HAGHL: variants seen among roughly 807,000 people sequenced by gnomAD.
HAGHL encodes the protein hydroxyacylglutathione hydrolase like.
In HAGHL, 27 loss-of-function variants were observed where a neutral mutation model predicts 29.2. The observed-to-expected ratio is 0.92, with a 90% CI of 0.68 to 1.27. The LOEUF is 1.27. Among genes scored for constraint, HAGHL ranks in the 50% most tolerant of loss-of-function variants. The pLI, the probability that HAGHL is intolerant of heterozygous loss-of-function variation, is 0.00. For synonymous variants in HAGHL, 223 were observed against 185.7 expected, an observed-to-expected ratio of 1.20 and a Z score of -1.63; for missense variants, 529 against 405.5, an observed-to-expected ratio of 1.30 and a Z score of -2.62.
Position 727,933 on chromosome 16 carries a change from G to A in HAGHL, c.106-32G>A, listed in dbSNP as rs561818000. 7.5e-6 allele frequency: 12 copies of A among 1,597,012 alleles called. No homozygotes were observed. The East Asian group carries it at 1.4e-4, about 18-fold the overall frequency. ...ATGGAGGGAGTGGGCCACCGGGACC[G>A]TCTGTGTTACCGTCACTCCCGTCCC... On this transcript the variant is annotated intron_variant, in intron 1 of 7. Transcript: ENST00000389703.
Position 728,578 on chromosome 16 carries a change from G to A in HAGHL, c.472G>A (p.Glu158Lys). ...CCAGCAGATGTACCAGAGCCTGGCCGAGCTGGGTACCCTGCCCCCCGAGAC... is the reference window on the plus strand; with the variant it reads ...CCAGCAGATGTACCAGAGCCTGGCCAAGCTGGGTACCCTGCCCCCCGAGAC... The part of the protein sequence containing the change: ...SAQQMYQSLA[E>K]LGTLPPETKV... The change falls in exon 5 of 8, where the codon GAG becomes AAG. Residue 158 changes from glutamate to lysine, a missense_variant. Physicochemically the swap from Glu to Lys is moderately conservative, Grantham distance 56. Coordinates refer to ENST00000389703, the MANE Select transcript of HAGHL (RefSeq NM_032304.4). The A allele has an allele frequency of 1.3e-6, 2 of 1,518,668 alleles. No individual in the cohort carries two copies. Among genetic ancestry groups the A allele is most frequent in the Non-Finnish European group, 1.8e-6 (2 of 1,139,062 alleles). The allele number at this position is 1,518,668 out of a possible 1,614,324, so 94.1% of individuals were successfully genotyped here.
chr16:727,669 C>T (rs535390086), intron 1 of HAGHL, 55 bp downstream of exon 1: 4 of 1,214,002 alleles, frequency 3.3e-6, no homozygotes, highest in South Asian at 1.3e-5. Flanking sequence ...AGAGCCTCCC[C>T]GACCCCCCTG....
chr16:728,627 C>T (rs1327101281), intron 5 of HAGHL, 23 bp downstream of exon 5: 2 of 1,397,148 alleles, frequency 1.4e-6, no homozygotes, highest in Middle Eastern at 2.4e-4. Context: ...GGGCCCTCCC[C>T]TCTTCTCCCG....
Position 727,175 on chromosome 16 carries a change from G to C in HAGHL, c.-335G>C, listed in dbSNP as rs577579543. On this transcript the variant is annotated 5_prime_UTR_variant, in exon 1 of 8. Coordinates refer to ENST00000389703, the MANE Select transcript of HAGHL (RefSeq NM_032304.4). Reference sequence around the variant, plus strand: ...GCGGCGGGGGAACGCGGCTGTCCCGGGTCAGGGGTCTTGCGGCGGCAGGGC... The same window carrying C: ...GCGGCGGGGGAACGCGGCTGTCCCGCGTCAGGGGTCTTGCGGCGGCAGGGC... 16 of 247,462 alleles carry C rather than the reference G, an allele frequency of 6.5e-5. No individual in the cohort carries two copies. In the East Asian group the frequency reaches 1.8e-3, roughly 28 times the overall value. 15.3% of individuals were successfully genotyped at this position (247,462 alleles called of 1,614,324 possible).
At position 729,713 on chromosome 16, in the gene HAGHL, G is replaced by A; in HGVS notation, c.*257G>A. On this transcript the variant is annotated 3_prime_UTR_variant, in exon 8 of 8. Transcript: ENST00000389703. ...CGAACTATGAATAAAGCTTTGAAAG[G>A]CCGTTGTCAGTGTTGGCAGATGTGC... 1 of 1,460,892 alleles carries A rather than the reference G, an allele frequency of 6.8e-7. No individual in the cohort carries two copies. The allele number at this position is 1,460,892 out of a possible 1,614,324, so 90.5% of individuals were successfully genotyped here.
rs2041233366 is a variant in HAGHL, at chr16:729,343, G to C, written c.736G>C (p.Ala246Pro). 14 of 1,534,660 alleles carry C rather than the reference G, an allele frequency of 9.1e-6. No homozygotes were observed. Among genetic ancestry groups the C allele is most frequent in the Non-Finnish European group, 1.2e-5 (14 of 1,141,402 alleles). Residue 246 changes from alanine (A) to proline (P), a missense_variant, in exon 8 of 8, where the codon GCG becomes CCG. Ala to Pro is a conservative substitution (Grantham distance 27, BLOSUM62 -1). Coordinates refer to ENST00000389703, the MANE Select transcript of HAGHL (RefSeq NM_032304.4). ...GGCGGTCCCCGCCGACGTCCTGGAG[G>C]CGCTATGCAAGGAGCGGGCGCGCTT... ...GKAVPADVLE[A>P]LCKERARFEQ...
intron 6 of HAGHL, 33 bp from the exon 7 acceptor site, chr16:728,976 C>G (rs773902516): frequency 6.3e-7 from 1 of 1,583,756 alleles, no homozygotes; most frequent in East Asian, 2.3e-5. Flanking sequence ...TCAGACAAGG[C>G]CTAATGGTGA....
At position 729,646 on chromosome 16, in the gene HAGHL, G is replaced by C; in HGVS notation, c.*190G>C. Reference sequence around the variant, plus strand: ...ACCACTCAGTGGGGCCTGTGTGGGCGCCGAGACCTGGGTGTCTGGGAAGTG... The same window carrying C: ...ACCACTCAGTGGGGCCTGTGTGGGCCCCGAGACCTGGGTGTCTGGGAAGTG... On this transcript the variant is annotated 3_prime_UTR_variant, in exon 8 of 8. Coordinates refer to ENST00000389703, the MANE Select transcript of HAGHL (RefSeq NM_032304.4). 2.0e-6 allele frequency: 3 copies of C among 1,515,082 alleles called. No individual in the cohort carries two copies. The highest frequency in any genetic ancestry group is 2.6e-6 in the Non-Finnish European group (3 of 1,135,922). The allele number at this position is 1,515,082 out of a possible 1,614,324, so 93.9% of individuals were successfully genotyped here.
rs2041237331 is a variant in HAGHL at position 729,418 on chromosome 16, CTGCAGTGGGGGCTCCTGAG to C, written c.817_835del (p.Trp273ProfsTer20). On this transcript the variant is annotated frameshift_variant, in exon 8 of 8. Coordinates refer to ENST00000389703, the MANE Select transcript of HAGHL (RefSeq NM_032304.4). LOFTEE classifies it high-confidence loss of function. ...GCCACAGGCGCGGGCCCTCCTTGCGCTGCAGTGGGGGCTCCTGAGTGCAGCCCCACACGACTGAGCCACC... is the reference window on the plus strand; with the variant it reads ...GCCACAGGCGCGGGCCCTCCTTGCGCTGCAGCCCCACACGACTGAGCCACC... 3.9e-6 allele frequency: 6 copies of C among 1,532,556 alleles called. No individual in the cohort carries two copies. Among genetic ancestry groups the C allele is most frequent in the Non-Finnish European group, 4.4e-6 (5 of 1,143,092 alleles). 94.9% of individuals were successfully genotyped at this position (1,532,556 alleles called of 1,614,324 possible).
In HAGHL at chr16:728,035, C is replaced by G; in HGVS notation, c.170+6C>G. On this transcript the variant is annotated splice_donor_region_variant and intron_variant, in intron 2 of 7. Coordinates refer to ENST00000389703, the MANE Select transcript of HAGHL (RefSeq NM_032304.4). Reference sequence around the variant, plus strand: ...CTGACCACCCACCATCACTGGTGAGCGCCGGCGGGGCGCGGGGAGGCACGA... The same window carrying G: ...CTGACCACCCACCATCACTGGTGAGGGCCGGCGGGGCGCGGGGAGGCACGA... 1 of 1,583,310 alleles carries G rather than the reference C, an allele frequency of 6.3e-7. No individual in the cohort carries two copies. Among genetic ancestry groups the G allele is most frequent in the Non-Finnish European group, 8.6e-7 (1 of 1,168,714 alleles).
rs758103408 is a variant in HAGHL, at chr16:728,127, G to A, written c.182G>A (p.Arg61Gln). The A allele has an allele frequency of 5.4e-6, 8 of 1,474,682 alleles. No homozygotes were observed. Among genetic ancestry groups the A allele is most frequent in the South Asian group, 5.4e-5 (4 of 74,014 alleles). The allele number at this position is 1,474,682 out of a possible 1,614,324, so 91.3% of individuals were successfully genotyped here. Residue 61 changes from arginine (R) to glutamine (Q), a missense_variant, in exon 3 of 8, where the codon CGG (arginine) becomes CAG (glutamine). Physicochemically the swap from Arg to Gln is conservative, Grantham distance 43 (BLOSUM62 1). Transcript: ENST00000389703. ...LTTHHHWDHA[R>Q]GNPELARLRP... is the part of the protein sequence containing the mutation. ...CCGCCCGCCCGCAGGGACCACGCGC[G>A]GGGAAACCCGGAGCTGGCGCGGCTT...
rs1160341839 is a variant in HAGHL, at chr16:728,799, G to GT, written c.506dup (p.Cys170LeufsTer8). On this transcript the variant is annotated frameshift_variant, in exon 6 of 8. Transcript: ENST00000389703. LOFTEE classifies it high-confidence loss of function. ...ACCGAGCGCTCTTCCTCCAGAAGGTGTTCTGCGGCCACGAGCACACGCTTA... is the reference window on the plus strand; with the variant it reads ...ACCGAGCGCTCTTCCTCCAGAAGGTGTTTCTGCGGCCACGAGCACACGCTTA... 1 of 1,611,964 alleles carries GT rather than the reference G, an allele frequency of 6.2e-7. No individual in the cohort carries two copies. The highest frequency in any genetic ancestry group is 8.5e-7 in the Non-Finnish European group (1 of 1,179,712).
At position 727,626 on chromosome 16, in the gene HAGHL, C is replaced by T; in HGVS notation, c.105+12C>T. The T allele has an allele frequency of 6.3e-7, 1 of 1,577,302 alleles. No homozygotes were observed. The highest frequency in any genetic ancestry group is 8.7e-7 in the Non-Finnish European group (1 of 1,153,064). ...CTGTGCCCAAGAGGGTGAGGGCAGGCCGCGGGCCGCAGGGACCCGGCCGTG... is the reference window on the plus strand; with the variant it reads ...CTGTGCCCAAGAGGGTGAGGGCAGGTCGCGGGCCGCAGGGACCCGGCCGTG... On this transcript the variant is annotated intron_variant, in intron 1 of 7. Coordinates refer to ENST00000389703, the MANE Select transcript of HAGHL (RefSeq NM_032304.4).
rs1261133358 is a variant in HAGHL at position 728,296 on chromosome 16, C to T, written c.289-20C>T. The T allele has an allele frequency of 2.0e-6, 3 of 1,527,980 alleles. No individual in the cohort carries two copies. Among genetic ancestry groups the T allele is most frequent in the Admixed American group, 3.9e-5 (2 of 50,832 alleles). The allele number at this position is 1,527,980 out of a possible 1,614,324, so 94.7% of individuals were successfully genotyped here. A position where few individuals can be genotyped will look rare whatever the true frequency, so the allele number is the denominator to read the frequency against. ...CCGGGTCCACCCGCCCTCACAGGTC[C>T]GCCTGCTCCTCCGCCGCAGTTCGGG... On this transcript the variant is annotated intron_variant, in intron 3 of 7. Coordinates refer to ENST00000389703, the MANE Select transcript of HAGHL (RefSeq NM_032304.4).
At position 728,496 on chromosome 16, in the gene HAGHL, C is replaced by G. The variant is rs2041179914; in HGVS notation, c.398-8C>G. ...CCCCATCTGCTCTGACCCGCCCTCC[C>G]CCGCCAGGCGACGCGCTGTCGGTGG... On this transcript the variant is annotated splice_region_variant and splice_polypyrimidine_tract_variant and intron_variant, in intron 4 of 7. Coordinates refer to ENST00000389703, the MANE Select transcript of HAGHL (RefSeq NM_032304.4). 6.5e-7 allele frequency: 1 copy of G among 1,528,066 alleles called. No individual in the cohort carries two copies. Among genetic ancestry groups the G allele is most frequent in the African/African-American group, 1.4e-5 (1 of 72,680 alleles). 94.7% of individuals were successfully genotyped at this position (1,528,066 alleles called of 1,614,324 possible).
rs1203926593 is a variant in HAGHL at position 728,226 on chromosome 16, A to C, written c.281A>C (p.Glu94Ala). 2.2e-5 allele frequency: 33 copies of C among 1,472,266 alleles called. No homozygotes were observed. In the Admixed American group the frequency reaches 7.9e-4, roughly 35 times the overall value. 91.2% of individuals were successfully genotyped at this position (1,472,266 alleles called of 1,614,324 possible). ...SLTRRLAHGE[E>A]LRFGAIHVRC... is the part of the protein sequence containing the mutation. The stretch of plus-strand genomic sequence containing the variant: ...ACGCGCAGGCTGGCGCACGGCGAGG[A>C]GCTGCGGGTGAGCGCGCGCTCCCGG... The change falls in exon 3 of 8, where the codon GAG (glutamate) becomes GCG (alanine). Residue 94 changes from glutamate (E) to alanine (A), a missense_variant. Glu to Ala is a moderately radical substitution (Grantham distance 107, BLOSUM62 -1). Transcript: ENST00000389703.
At chr16:729,122 T>C (rs1296211057) in intron 7 of HAGHL, 34 bp downstream of exon 7, 1 of 1,603,972 alleles carries the variant, frequency 6.2e-7, no homozygotes, top group African/African-American at 1.3e-5. Context: ...GCCTCCACCG[T>C]TACGTGGACC....
In HAGHL at chr16:727,994, G is replaced by A. The variant is rs776464857; in HGVS notation, c.135G>A (p.Val45=). The A allele has an allele frequency of 6.8e-6, 11 of 1,607,760 alleles. No homozygotes were observed. Among genetic ancestry groups the A allele is most frequent in the Non-Finnish European group, 9.3e-6 (11 of 1,178,198 alleles). ...RLLEIVGREG[V]SLTAVLTTHH... is the part of the protein sequence containing the mutation. ...TGGAGATCGTGGGCCGGGAGGGGGT[G>A]TCTCTGACCGCTGTGCTGACCACCC... The change falls in exon 2 of 8, where the codon GTG becomes GTA. Residue 45 remains valine, a synonymous_variant. Coordinates refer to ENST00000389703, the MANE Select transcript of HAGHL (RefSeq NM_032304.4).
chr16:727,398 C>G lies in HAGHL; in HGVS notation c.-112C>G, dbSNP rs748440422. ...TTTGGCCCCCAGCGTGTTGACCGAGCCCGCTTCGCACAGCCCTTCCTAGGG... is the reference window on the plus strand; with the variant it reads ...TTTGGCCCCCAGCGTGTTGACCGAGGCCGCTTCGCACAGCCCTTCCTAGGG... On this transcript the variant is annotated 5_prime_UTR_variant, in exon 1 of 8. Coordinates refer to ENST00000389703, the MANE Select transcript of HAGHL (RefSeq NM_032304.4). The G allele has an allele frequency of 2.5e-5, 15 of 604,194 alleles. No homozygotes were observed. Among genetic ancestry groups the G allele is most frequent in the Non-Finnish European group, 3.9e-5 (13 of 336,794 alleles). 37.4% of individuals were successfully genotyped at this position (604,194 alleles called of 1,614,324 possible).
Sources: gnomAD v4.1 joint callset for allele counts on GRCh38, gnomAD v4.1.1 for gene constraint, MANE v1.5 for transcripts, NCBI Gene and HGNC (gene_info 2026-07-23, HGNC 2026-07-21) for gene names.